The following PBX1 variants were observed in gnomAD, a reference collection of about 807,000 sequenced individuals.
The protein encoded by PBX1 is pre-B-cell leukemia transcription factor 1.
PBX1 carries 6 observed loss-of-function variants against 53.4 expected under a neutral mutation model. That is an observed-to-expected ratio of 0.11 (90% CI 0.06 to 0.22). PBX1 has a LOEUF of 0.22. PBX1 is among the 10% of genes least tolerant of loss of function. The pLI, the probability that PBX1 is intolerant of heterozygous loss-of-function variation, is 1.00. For synonymous variants in PBX1, 204 were observed against 212.3 expected, an observed-to-expected ratio of 0.96 and a Z score of 0.34; for missense variants, 251 against 551.4, an observed-to-expected ratio of 0.46 and a Z score of 5.46.
chr1:164,751,580 CCTTTTTTTTT>C (rs1424568008), intron 2 of PBX1, among the ~76,000 whole-genome samples: 2 of 142,070 alleles, frequency 1.4e-5, no homozygotes, highest in African/African-American at 5.4e-5. Flanking sequence ...TTATTGCCCC[CCTTTTTTTTT>C]TTTTTTTTTG....
At position 164,648,066 on chromosome 1, in the gene PBX1, C is replaced by T. The variant is rs188352574; in HGVS notation, c.265+84755C>T. On this transcript the variant is annotated intron_variant, in intron 2 of 8. Coordinates refer to ENST00000420696, the MANE Select transcript of PBX1 (RefSeq NM_002585.4). Reference sequence around the variant, plus strand: ...TCCTGACCTCGTGATCTGCCCATCTCGGTCTCCCAAAGTGCTGGGATTGCA... The same window carrying T: ...TCCTGACCTCGTGATCTGCCCATCTTGGTCTCCCAAAGTGCTGGGATTGCA... 5.1e-3 allele frequency among the ~76,000 whole-genome samples: 780 copies of T among 152,182 alleles called. 5 individuals are homozygous for T. The highest frequency in any genetic ancestry group is 0.018 in the African/African-American group (746 of 41,536).
intron 2 of PBX1, among the ~76,000 whole-genome samples, chr1:164,578,902 ACT>A (rs1654429647): frequency 6.8e-6 from 1 of 147,840 alleles, no homozygotes; most frequent in African/African-American, 2.5e-5. Flanking sequence ...TTCCCCTTTC[ACT>A]CTCTTTTGTT....
Position 164,615,995 on chromosome 1 carries a change from C to T in PBX1, c.265+52684C>T, listed in dbSNP as rs886534574. Among the ~76,000 whole-genome samples, 3 of 152,070 alleles carry T rather than the reference C, an allele frequency of 2.0e-5. No homozygotes were observed. In the South Asian group the frequency reaches 6.2e-4, roughly 32 times the overall value. On this transcript the variant is annotated intron_variant, in intron 2 of 8. Coordinates refer to ENST00000420696, the MANE Select transcript of PBX1 (RefSeq NM_002585.4). Reference sequence around the variant, plus strand: ...TACAGAGGTGCCTTCCAGGTGATCACCATGGAAATGCCTTTCACTGGGGTC... The same window carrying T: ...TACAGAGGTGCCTTCCAGGTGATCATCATGGAAATGCCTTTCACTGGGGTC...
intron 2 of PBX1, chr1:164,770,154 G>A (rs1432475884): frequency 6.6e-6 from 1 of 152,226 alleles, no homozygotes; most frequent in African/African-American, 2.4e-5. Flanking sequence ...AAATAAAGAA[G>A]TCTAAATTGA....
intron 2 of PBX1, among the ~76,000 whole-genome samples, chr1:164,768,689 T>C (rs904689990): frequency 3.3e-5 from 5 of 152,318 alleles, no homozygotes; most frequent in African/African-American, 1.2e-4. Context: ...TTCTACCCAG[T>C]GTACCCAATC....
rs1345082547 is a variant in PBX1, at chr1:164,813,026, A to G, written c.997+877A>G. The G allele has an allele frequency of 4.6e-5, 7 of 152,306 alleles. No individual in the cohort carries two copies. The East Asian group carries it at 1.3e-3, about 29-fold the overall frequency. The allele number at this position is 152,306 out of a possible 1,614,324, so 9.4% of individuals were successfully genotyped here. A position where few individuals can be genotyped will look rare whatever the true frequency, so the allele number is the denominator to read the frequency against. ...AAGAAAACTGATGATTCTAACTTAA[A>G]AGGTTACCAATTTAAATATGTTTGA... is the stretch of plus-strand genomic sequence containing the variant. On this transcript the variant is annotated intron_variant, in intron 6 of 8. Transcript: ENST00000420696.
At chr1:164,723,924 G>C (rs2066088) in intron 2 of PBX1, among the ~76,000 whole-genome samples, 5,854 of 152,330 alleles carry the variant, frequency 0.038, 203 homozygotes, top group East Asian at 0.16. Flanking sequence ...GAGCTGAAGT[G>C]TGGGGAGTGT....
chr1:164,810,276 C>T (rs1027188329), intron 5 of PBX1, among the ~76,000 whole-genome samples: 2 of 152,184 alleles, frequency 1.3e-5, no homozygotes, highest in Non-Finnish European at 2.9e-5. Flanking sequence ...GTGCCTAACG[C>T]GTATTAGGCC....
chr1:164,705,583 T>C (rs1221003987), intron 2 of PBX1, among the ~76,000 whole-genome samples: 1 of 152,222 alleles, frequency 6.6e-6, no homozygotes, highest in African/African-American at 2.4e-5. Flanking sequence ...ATATTCTTTT[T>C]ATATTATGTT....
intron 2 of PBX1, among the ~76,000 whole-genome samples, chr1:164,777,737 C>T (rs2102266300): frequency 6.6e-6 from 1 of 152,316 alleles, no homozygotes; most frequent in Non-Finnish European, 1.5e-5. Context: ...CTCAGTTTTG[C>T]AATCAGCAGC....
chr1:164,702,698 T>C (rs1276025455), intron 2 of PBX1, among the ~76,000 whole-genome samples: 1 of 147,024 alleles, frequency 6.8e-6, no homozygotes, highest in African/African-American at 2.5e-5. Flanking sequence ...GGGAGGTGGT[T>C]GGGGGATGGA....
chr1:164,717,863 A>G (rs986687261), intron 2 of PBX1, among the ~76,000 whole-genome samples: 6 of 152,228 alleles, frequency 3.9e-5, no homozygotes, highest in African/African-American at 1.4e-4. Context: ...AAGAAGTAGT[A>G]CCTAGCATAA....
chr1:164,588,473 CTTTTTTTT>C (rs371768861), intron 2 of PBX1, among the ~76,000 whole-genome samples: 3 of 73,048 alleles, frequency 4.1e-5, no homozygotes, highest in African/African-American at 8.0e-5. Flanking sequence ...CCGGACTAAG[CTTTTTTTT>C]TTTTTTTTTT....
chr1:164,878,760 G>A (rs938505167), intron 2 of PBX1, among the ~76,000 whole-genome samples: 26 of 152,270 alleles, frequency 1.7e-4, no homozygotes, highest in African/African-American at 6.0e-4. Context: ...ATTATTATTG[G>A]AACACCAATT....
chr1:164,822,803 A>G (rs541397996), intron 8 of PBX1, among the ~76,000 whole-genome samples: 1 of 152,320 alleles, frequency 6.6e-6, no homozygotes, highest in African/African-American at 2.4e-5. Flanking sequence ...AGGACTACTA[A>G]GTAGTGGATT....
At chr1:164,587,200 G>C (rs1208303130) in intron 2 of PBX1, among the ~76,000 whole-genome samples, 1 of 152,132 alleles carries the variant, frequency 6.6e-6, no homozygotes, top group South Asian at 2.1e-4. Flanking sequence ...CTTTTATGTA[G>C]ATGTGTTCCT....
intron 2 of PBX1, among the ~76,000 whole-genome samples, chr1:164,593,539 C>A (rs1329588150): frequency 6.6e-6 from 1 of 152,116 alleles, no homozygotes; most frequent in East Asian, 1.9e-4. Context: ...TGGCACAACC[C>A]AGGGCAAGTT....
intron 2 of PBX1, among the ~76,000 whole-genome samples, chr1:164,675,287 TGACATGGA>T (rs1467431958): frequency 1.3e-5 from 2 of 152,200 alleles, no homozygotes; most frequent in African/African-American, 4.8e-5. Context: ...ACCTGACCCT[TGACATGGA>T]AGAGAATAGG....
intron 3 of PBX1, among the ~76,000 whole-genome samples, chr1:164,796,265 C>A (rs773485694): frequency 1.7e-4 from 26 of 152,138 alleles, no homozygotes; most frequent in Non-Finnish European, 3.2e-4. Flanking sequence ...GCCTCAGACT[C>A]CCAAAGTGCT....
Sources: allele counts gnomAD v4.1 joint callset (sites outside exome capture counted in the v4.1 genomes callset), GRCh38; gene constraint gnomAD v4.1.1; transcripts MANE v1.5; gene names NCBI Gene and HGNC (gene_info 2026-07-23, HGNC 2026-07-21).